The following IQSEC1 variants were observed in gnomAD, a reference collection of about 807,000 sequenced individuals.
IQSEC1 encodes the protein IQ motif and SEC7 domain-containing protein 1.
IQSEC1 carries 31 observed loss-of-function variants against 91.0 expected under a neutral mutation model. The observed-to-expected ratio is 0.34, with a 90% CI of 0.26 to 0.46. IQSEC1 has a LOEUF of 0.46. Among genes scored for constraint, IQSEC1 ranks in the 20% least tolerant of loss-of-function variants. The pLI, the probability that IQSEC1 is intolerant of heterozygous loss-of-function variation, is 1.00. For missense variants in IQSEC1, 1,388 were observed against 1,575.6 expected (o/e 0.88, Z 2.02); for synonymous variants, 699 against 662.6 (o/e 1.05, Z -0.84).
chr3:12,928,912 C>A (rs990375756), intron 3 of IQSEC1, among the ~76,000 whole-genome samples: 3 of 152,166 alleles, frequency 2.0e-5, no homozygotes, highest in African/African-American at 7.2e-5. Flanking sequence ...CTATGGACAC[C>A]CACCTCCTTC....
chr3:12,966,954 G>A lies in IQSEC1; in HGVS notation c.24-25089C>T, dbSNP rs540298305. On this transcript the variant is annotated intron_variant, in intron 1 of 13. Transcript: ENST00000613206. ...CGGCCCTGCCTGCAGTTGGAAACAG[G>A]CACAGACCCGCTGGGCACCCTCCCA... is the stretch of plus-strand genomic sequence containing the variant. 3.9e-5 allele frequency among the ~76,000 whole-genome samples: 6 copies of A among 152,116 alleles called. No homozygotes were observed. In the East Asian group the frequency reaches 5.8e-4, roughly 15 times the overall value.
chr3:13,255,949 A>G (rs1192087001), intron 1 of IQSEC1, among the ~76,000 whole-genome samples: 1 of 152,166 alleles, frequency 6.6e-6, no homozygotes, highest in Non-Finnish European at 1.5e-5. Context: ...ACAACTGGGG[A>G]ACTGGGGAGG....
rs960222764 is a variant in IQSEC1 at position 12,970,596 on chromosome 3, C to T, written c.24-28731G>A. ...CCCAGCCTCCCTGCACAGCCAGCCT[C>T]GTGGCCTGGTTCATCTCTCCATCCC... On this transcript the variant is annotated intron_variant, in intron 1 of 13. Transcript: ENST00000613206. This position sits in a 1 kb window ranked among gnomAD's most constrained non-coding sequence, Gnocchi z 4.4. Among the ~76,000 whole-genome samples, 10 of 152,156 alleles carry T rather than the reference C, an allele frequency of 6.6e-5. No individual in the cohort carries two copies. The highest frequency in any genetic ancestry group is 2.6e-4 in the Admixed American group (4 of 15,284).
chr3:13,085,222 T>C (rs765605006), intron 2 of IQSEC1, among the ~76,000 whole-genome samples: 9 of 152,144 alleles, frequency 5.9e-5, no homozygotes, highest in Non-Finnish European at 1.0e-4. Flanking sequence ...AGACCTGCTC[T>C]GTGTCACTCA....
At chr3:13,199,669 C>T (rs1021546772) in intron 1 of IQSEC1, among the ~76,000 whole-genome samples, 11 of 152,152 alleles carry the variant, frequency 7.2e-5, no homozygotes, top group Non-Finnish European at 1.5e-4. Context: ...TCCTGCGCCA[C>T]GGCCTGGAGT....
intron 1 of IQSEC1, among the ~76,000 whole-genome samples, chr3:12,990,088 C>T (rs528733553): frequency 6.6e-6 from 1 of 152,304 alleles, no homozygotes; most frequent in East Asian, 1.9e-4. Context: ...CCCATAATAC[C>T]CCTCGGCACT....
chr3:12,967,358 AG>A lies in IQSEC1; in HGVS notation c.24-25494del. 6.6e-7 allele frequency: 1 copy of A among 1,523,904 alleles called. No homozygotes were observed. Among genetic ancestry groups the A allele is most frequent in the Non-Finnish European group, 8.8e-7 (1 of 1,137,482 alleles). The allele number at this position is 1,523,904 out of a possible 1,614,324, so 94.4% of individuals were successfully genotyped here. On this transcript the variant is annotated intron_variant, in intron 1 of 13. Coordinates refer to ENST00000613206, the MANE Select transcript of IQSEC1 (RefSeq NM_001134382.3). This position sits in a 1 kb window ranked among gnomAD's most constrained non-coding sequence, Gnocchi z 5.9. ...CCAGCCCACCGCTCAGCACCCGGGA[AG>A]GCCGCTCGCCCCGCGCCGCGCCCTC...
chr3:12,955,067 C>T (rs1699815768), intron 1 of IQSEC1, among the ~76,000 whole-genome samples: 1 of 152,222 alleles, frequency 6.6e-6, no homozygotes, highest in South Asian at 2.1e-4. Flanking sequence ...TGGCAGAGCC[C>T]CGTGACTCTG....
chr3:12,911,645 C>A lies in IQSEC1; in HGVS notation c.2400G>T (p.Leu800=). 1 of 1,613,362 alleles carries A rather than the reference C, an allele frequency of 6.2e-7. No individual in the cohort carries two copies. Among genetic ancestry groups the A allele is most frequent in the Non-Finnish European group, 8.5e-7 (1 of 1,179,410 alleles). ...QSFSLYGMQV[L]LFENQYYPNG... ...CAGACTTACACTGGTTCTCGAAGAG[C>A]AGGACCTGCATGCCGTACAAGGAGA... is the stretch of plus-strand genomic sequence containing the variant. Residue 800 remains leucine, a synonymous_variant, in exon 10 of 14, where the codon CTG becomes CTT. Coordinates refer to ENST00000613206, the MANE Select transcript of IQSEC1 (RefSeq NM_001134382.3).
Position 12,994,543 on chromosome 3 carries a change from A to G in IQSEC1, c.24-52678T>C, listed in dbSNP as rs562845059. Among the ~76,000 whole-genome samples, 164 of 152,068 alleles carry G rather than the reference A, an allele frequency of 1.1e-3. No individual in the cohort carries two copies. The highest frequency in any genetic ancestry group is 3.7e-3 in the African/African-American group (155 of 41,462). ...TCCCTCAGACTACCCCAGACCCCCA[A>G]TAAACAGCGAACAAACGCACCTCAG... On this transcript the variant is annotated intron_variant, in intron 1 of 13. Coordinates refer to ENST00000613206, the MANE Select transcript of IQSEC1 (RefSeq NM_001134382.3). This position sits in a 1 kb window ranked among gnomAD's most constrained non-coding sequence, Gnocchi z 4.5.
At chr3:12,920,393 C>G in intron 6 of IQSEC1, 37 bp downstream of exon 6, 1 of 1,606,776 alleles carries the variant, frequency 6.2e-7, no homozygotes. Context: ...GGTGCTGGAG[C>G]AAATCTGTGG....
At chr3:13,135,259 G>A (rs536773085) in intron 2 of IQSEC1, among the ~76,000 whole-genome samples, 2 of 152,332 alleles carry the variant, frequency 1.3e-5, no homozygotes, top group Admixed American at 6.5e-5. Context: ...ACTGTCACAG[G>A]GTAAGGGACT....
chr3:13,233,141 A>G (rs1246557431), intron 1 of IQSEC1, among the ~76,000 whole-genome samples: 1 of 152,206 alleles, frequency 6.6e-6, no homozygotes, highest in African/African-American at 2.4e-5. Context: ...TACGCTGTGT[A>G]TTTTATCACA....
In IQSEC1 at chr3:13,238,311, T is replaced by C. The variant is rs951492328; in HGVS notation, c.272+44400A>G. Among the ~76,000 whole-genome samples the C allele has an allele frequency of 3.9e-5, 6 of 152,138 alleles. 1 individual carries two copies. Among genetic ancestry groups the C allele is most frequent in the Admixed American group, 1.3e-4 (2 of 15,280 alleles). The stretch of plus-strand genomic sequence containing the variant: ...AGTCCAGACCACGCACAGCAACCCT[T>C]GTCCAGCCCTGGCGTCCTCCCCTTG... On this transcript the variant is annotated intron_variant, in intron 1 of 15. Coordinates refer to the IQSEC1 transcript ENST00000648114.
At chr3:13,164,017 G>A (rs981857067) in intron 2 of IQSEC1, among the ~76,000 whole-genome samples, 7 of 152,138 alleles carry the variant, frequency 4.6e-5, no homozygotes, top group Admixed American at 6.5e-5. Flanking sequence ...TGGGAGACCC[G>A]CAGGGAGAAA....
At chr3:13,023,293 G>C (rs577893164) in intron 1 of IQSEC1, among the ~76,000 whole-genome samples, 1 of 152,286 alleles carries the variant, frequency 6.6e-6, no homozygotes, top group Non-Finnish European at 1.5e-5. Flanking sequence ...TGAGGCCCCA[G>C]CTTGAGCCCC....
intron 1 of IQSEC1, among the ~76,000 whole-genome samples, chr3:13,174,122 C>T (rs1693672041): frequency 6.6e-6 from 1 of 152,170 alleles, no homozygotes; most frequent in African/African-American, 2.4e-5. Flanking sequence ...TCTGGGTGCT[C>T]CTGGGGCAGG....
In IQSEC1 at chr3:13,234,275, T is replaced by TGTCTGTGCCTGTGGGTGTGAGC. The variant is rs1694885214; in HGVS notation, c.272+48435_272+48436insGCTCACACCCACAGGCACAGAC. Among the ~76,000 whole-genome samples, 12 of 131,704 alleles carry TGTCTGTGCCTGTGGGTGTGAGC rather than the reference T, an allele frequency of 9.1e-5. No homozygotes were observed. The East Asian group carries it at 1.0e-3, about 11-fold the overall frequency. The allele number at this position is 131,704 out of a possible 152,430, so 86.4% of individuals were successfully genotyped here. A position where few individuals can be genotyped will look rare whatever the true frequency, so the allele number is the denominator to read the frequency against. On this transcript the variant is annotated intron_variant, in intron 1 of 15. Transcript: ENST00000648114. ...CCGTGTCTGTGCCTGTGGGTGTGAG[T>TGTCTGTGCCTGTGGGTGTGAGC]CCCCGTGTCTGTGCCTGTGGGTGTG...
At chr3:13,197,581 C>T (rs1694157852) in intron 1 of IQSEC1, among the ~76,000 whole-genome samples, 1 of 152,246 alleles carries the variant, frequency 6.6e-6, no homozygotes, top group Non-Finnish European at 1.5e-5. Context: ...GCTGCCCGCC[C>T]TATTCAGCAG....
Sources: allele counts gnomAD v4.1 joint callset (sites outside exome capture counted in the v4.1 genomes callset), GRCh38; gene constraint gnomAD v4.1.1; non-coding constraint Gnocchi (gnomAD v3.1); transcripts MANE v1.5; gene names NCBI Gene and HGNC (gene_info 2026-07-23, HGNC 2026-07-21).